The following RBPMS variants were observed in gnomAD, a reference collection of about 807,000 sequenced individuals.
RBPMS encodes the protein RNA binding protein, mRNA processing factor.
RBPMS carries 7 observed loss-of-function variants against 26.8 expected under a neutral mutation model. The ratio of observed to expected loss-of-function variants is 0.26; its 90% CI spans 0.15 to 0.49. RBPMS has a LOEUF of 0.49. Among genes scored for constraint, RBPMS ranks in the 20% least tolerant of loss-of-function variants. The pLI, the probability that RBPMS is intolerant of heterozygous loss-of-function variation, is 0.98. For missense variants in RBPMS, 186 were observed against 250.0 expected, an observed-to-expected ratio of 0.74 and a Z score of 1.73; for synonymous variants, 96 against 93.3, an observed-to-expected ratio of 1.03 and a Z score of -0.17.
At chr8:30,477,435 T>A (rs1042287571) in intron 2 of RBPMS, among the ~76,000 whole-genome samples, 3 of 152,182 alleles carry the variant, frequency 2.0e-5, no homozygotes, top group African/African-American at 7.2e-5. Flanking sequence ...TTGTATTAAA[T>A]TTACCCTCTT....
At chr8:30,480,488 G>A (rs1471644997) in intron 4 of RBPMS, among the ~76,000 whole-genome samples, 2 of 152,184 alleles carry the variant, frequency 1.3e-5, no homozygotes, top group African/African-American at 4.8e-5. Context: ...TGTACACTCT[G>A]AGAAGAAACA....
chr8:30,492,641 A>G (rs551805374), intron 4 of RBPMS, among the ~76,000 whole-genome samples: 6 of 152,244 alleles, frequency 3.9e-5, no homozygotes, highest in African/African-American at 1.4e-4. Flanking sequence ...TCAATTTGCA[A>G]TCACTAGGAA....
intron 6 of RBPMS, among the ~76,000 whole-genome samples, chr8:30,554,348 G>C (rs943506442): frequency 1.3e-5 from 2 of 152,176 alleles, no homozygotes; most frequent in Admixed American, 6.5e-5. Flanking sequence ...AACACCCACA[G>C]GGATTCACAG....
In RBPMS at chr8:30,544,542, C is replaced by T. The variant is rs1474545291; in HGVS notation, c.446C>T (p.Ala149Val). The T allele has an allele frequency of 6.2e-7, 1 of 1,614,082 alleles. No individual in the cohort carries two copies. The highest frequency in any genetic ancestry group is 1.3e-5 in the African/African-American group (1 of 74,930). Residue 149 changes from alanine (A) to valine (V), a missense_variant, in exon 6 of 9, where the codon GCC (alanine) becomes GTC (valine). Ala to Val is a moderately conservative substitution (Grantham distance 64, BLOSUM62 0). This residue lies in a region of RBPMS where 98 missense variants were observed against 113.6 expected (regional missense o/e 0.86). Coordinates refer to ENST00000397323, the MANE Select transcript of RBPMS (RefSeq NM_001008710.3). ...ALYPSSPEVW[A>V]PYPLYPAELA... is the part of the protein sequence containing the mutation. Reference sequence around the variant, plus strand: ...TACCCCAGTAGCCCTGAAGTGTGGGCCCCGTACCCTCTGTACCCAGCGGAG... The same window carrying T: ...TACCCCAGTAGCCCTGAAGTGTGGGTCCCGTACCCTCTGTACCCAGCGGAG...
intron 1 of RBPMS, among the ~76,000 whole-genome samples, chr8:30,433,211 C>A (rs756110283): frequency 1.3e-5 from 2 of 152,180 alleles, no homozygotes; most frequent in Non-Finnish European, 2.9e-5. Flanking sequence ...AAAAGAGATT[C>A]CATTTCTTTC....
chr8:30,474,907 G>A (rs1817529393), intron 2 of RBPMS, 51 bp downstream of exon 2: 2 of 1,195,026 alleles, frequency 1.7e-6, no homozygotes, highest in Non-Finnish European at 2.5e-6. Context: ...AAGTCTGTAT[G>A]CTTTCTGGGA....
chr8:30,542,773 C>G (rs770251435), intron 5 of RBPMS, among the ~76,000 whole-genome samples: 2 of 152,230 alleles, frequency 1.3e-5, no homozygotes, highest in Non-Finnish European at 2.9e-5. Flanking sequence ...TGGGCTCCCA[C>G]GTGAGTTACT....
intron 1 of RBPMS, among the ~76,000 whole-genome samples, chr8:30,467,856 T>C (rs1816677098): frequency 6.6e-6 from 1 of 152,244 alleles, no homozygotes; most frequent in Non-Finnish European, 1.5e-5. Context: ...TTCTCATTTT[T>C]AAAGTAGTTG....
At chr8:30,519,456 CTCTTTTTTTTTTTT>C (rs1822776328) in intron 5 of RBPMS, among the ~76,000 whole-genome samples, 1 of 116,492 alleles carries the variant, frequency 8.6e-6, no homozygotes, top group African/African-American at 3.6e-5. Context: ...GAGGATCTCT[CTCTTTTTTTTTTTT>C]TTTTTTTTTT....
intron 5 of RBPMS, among the ~76,000 whole-genome samples, chr8:30,521,162 T>C (rs1466499850): frequency 6.6e-6 from 1 of 152,174 alleles, no homozygotes; most frequent in African/African-American, 2.4e-5. Context: ...TAGTGTGCCA[T>C]TGATGGAGCA....
At position 30,504,447 on chromosome 8, in the gene RBPMS, C is replaced by A; in HGVS notation, c.397+11C>A. The A allele has an allele frequency of 6.2e-7, 1 of 1,612,622 alleles. No individual in the cohort carries two copies. Among genetic ancestry groups the A allele is most frequent in the South Asian group, 1.1e-5 (1 of 91,012 alleles). ...TTGCCAGAGAGCCATGTAAGTCGAT[C>A]TACTTTTCATTCAAAAGTAATAATA... On this transcript the variant is annotated intron_variant, in intron 5 of 8. Coordinates refer to ENST00000397323, the MANE Select transcript of RBPMS (RefSeq NM_001008710.3).
At chr8:30,561,296 T>C (rs1266525124) in intron 7 of RBPMS, among the ~76,000 whole-genome samples, 3 of 152,164 alleles carry the variant, frequency 2.0e-5, no homozygotes, top group Non-Finnish European at 1.5e-5. Flanking sequence ...GACTTTTAAA[T>C]ACAGATCCCA....
At chr8:30,428,018 A>ATTTTTT (rs1585425182) in intron 1 of RBPMS, among the ~76,000 whole-genome samples, 1 of 116,832 alleles carries the variant, frequency 8.6e-6, no homozygotes, top group African/African-American at 3.2e-5. Flanking sequence ...ATGAGACCCC[A>ATTTTTT]TCTTTTTTTT....
At chr8:30,558,993 C>G in intron 7 of RBPMS, 37 bp downstream of exon 7, 1 of 1,566,618 alleles carries the variant, frequency 6.4e-7, no homozygotes, top group South Asian at 1.1e-5. Flanking sequence ...TGCGAAGCCC[C>G]TAGAACACAT....
At chr8:30,505,352 T>G (rs1173596591) in intron 5 of RBPMS, among the ~76,000 whole-genome samples, 4 of 152,326 alleles carry the variant, frequency 2.6e-5, no homozygotes, top group African/African-American at 9.6e-5. Context: ...TTTTAACTCT[T>G]CTTATTGAAA....
chr8:30,486,642 T>TC (rs1818821010), intron 4 of RBPMS, among the ~76,000 whole-genome samples: 3 of 42,416 alleles, frequency 7.1e-5, no homozygotes, highest in Admixed American at 4.0e-4. Context: ...CAAAAAAAAA[T>TC]AAAAAAATAA....
intron 1 of RBPMS, among the ~76,000 whole-genome samples, chr8:30,461,597 A>C (rs1179200511): frequency 6.6e-6 from 1 of 152,084 alleles, no homozygotes. Context: ...GGGTTTCACC[A>C]TGTTAGCCAG....
At chr8:30,544,911 CT>C in intron 6 of RBPMS, 1 of 1,480,756 alleles carries the variant, frequency 6.8e-7, no homozygotes. Flanking sequence ...GTTTATCCAC[CT>C]GGCTCCCAGC....
chr8:30,540,311 G>T lies in RBPMS; in HGVS notation c.398-4183G>T, dbSNP rs557507112. 1.3e-3 allele frequency among the ~76,000 whole-genome samples: 199 copies of T among 152,300 alleles called. 2 individuals carry two copies. The highest frequency in any genetic ancestry group is 0.012 in the South Asian group (59 of 4,828). ...TGAGGGAGAACCAGATGAGAATCAG[G>T]GCTGGAGAGGAGGATGAGGGCCAGA... is the stretch of plus-strand genomic sequence containing the variant. On this transcript the variant is annotated intron_variant, in intron 5 of 8. Coordinates refer to ENST00000397323, the MANE Select transcript of RBPMS (RefSeq NM_001008710.3).
Sources: gnomAD v4.1 joint callset for allele counts (sites outside exome capture counted in the v4.1 genomes callset) on GRCh38, gnomAD v4.1.1 for gene constraint, gnomAD v4.1.1 regional missense constraint, MANE v1.5 for transcripts, NCBI Gene and HGNC (gene_info 2026-07-23, HGNC 2026-07-21) for gene names.